MYOM2: variants seen among roughly 807,000 people sequenced by gnomAD.
MYOM2 encodes the protein myomesin 2.
A neutral mutation model predicts 187.6 loss-of-function variants in MYOM2; 254 were observed. That is an observed-to-expected ratio of 1.35 (90% CI 1.22 to 1.50). MYOM2 has a LOEUF of 1.50. MYOM2 is among the 40% of genes most tolerant of loss of function. The pLI, the probability that MYOM2 is intolerant of heterozygous loss-of-function variation, is 0.00. For synonymous variants in MYOM2, 981 were observed against 753.8 expected, an observed-to-expected ratio of 1.30 and a Z score of -4.94; for missense variants, 2,796 against 1,924.0, an observed-to-expected ratio of 1.45 and a Z score of -8.48.
At chr8:2,057,064 C>T (rs1198592600) in intron 3 of MYOM2, among the ~76,000 whole-genome samples, 1 of 152,154 alleles carries the variant, frequency 6.6e-6, no homozygotes, top group Non-Finnish European at 1.5e-5. Context: ...CAGTTGTGCA[C>T]TGTCAGTGGT....
At chr8:2,079,763 G>A (rs1484404160) in intron 13 of MYOM2, 150 bp downstream of exon 13, 1 of 804,584 alleles carries the variant, frequency 1.2e-6, no homozygotes, top group South Asian at 1.5e-5. Flanking sequence ...CAAGCCCAGT[G>A]TCCATAGAAG....
At chr8:2,077,611 C>T (rs894851336) in intron 11 of MYOM2, among the ~76,000 whole-genome samples, 2 of 152,128 alleles carry the variant, frequency 1.3e-5, no homozygotes, top group African/African-American at 2.4e-5. Context: ...TAAGCAACTA[C>T]AGCAAGAAAA....
At position 2,059,367 on chromosome 8, in the gene MYOM2, C is replaced by G. The variant is rs1818777595; in HGVS notation, c.653+122C>G. The G allele has an allele frequency of 5.5e-6, 4 of 728,238 alleles. No individual in the cohort carries two copies. In the East Asian group the frequency reaches 1.1e-4, roughly 19 times the overall value. The allele number at this position is 728,238 out of a possible 1,614,324, so 45.1% of individuals were successfully genotyped here. On this transcript the variant is annotated intron_variant, in intron 6 of 36. Transcript: ENST00000262113. ...ACCTGTCTGTTTGCACCCCGGGTGA[C>G]TTTAAATAGCATTTATGAGTTAATG...
chr8:2,059,212 G>A lies in MYOM2; in HGVS notation c.620G>A (p.Ser207Asn), dbSNP rs1818772358. The change falls in exon 6 of 37, where the codon AGC becomes AAC. Residue 207 changes from serine to asparagine, a missense_variant. Ser to Asn is a conservative substitution (Grantham distance 46). Coordinates refer to ENST00000262113, the MANE Select transcript of MYOM2 (RefSeq NM_003970.4). ...AAEPGKYRIE[S>N]NYGVHTLEIN... Reference sequence around the variant, plus strand: ...GAACCGGGAAAGTACAGGATTGAGAGCAACTATGGCGTACACACACTGGAG... The same window carrying A: ...GAACCGGGAAAGTACAGGATTGAGAACAACTATGGCGTACACACACTGGAG... 1 of 1,614,226 alleles carries A rather than the reference G, an allele frequency of 6.2e-7. No homozygotes were observed. The highest frequency in any genetic ancestry group is 8.5e-7 in the Non-Finnish European group (1 of 1,180,036).
In MYOM2 at chr8:2,103,951, C is replaced by T. The variant is rs190411933; in HGVS notation, c.2734+1170C>T. On this transcript the variant is annotated intron_variant, in intron 21 of 36. Coordinates refer to ENST00000262113, the MANE Select transcript of MYOM2 (RefSeq NM_003970.4). ...ACGGATAAATGAACGGATGTCTTGC[C>T]GTTATTTTAAAAAGATTTGGATGGC... 9.1e-4 allele frequency among the ~76,000 whole-genome samples: 138 copies of T among 152,146 alleles called. 1 individual carries two copies. The highest frequency in any genetic ancestry group is 2.4e-3 in the African/African-American group (100 of 41,470).
chr8:2,074,541 G>A (rs965279115), intron 10 of MYOM2, among the ~76,000 whole-genome samples: 6 of 151,964 alleles, frequency 3.9e-5, no homozygotes, highest in African/African-American at 1.2e-4. Context: ...TGCAACCTCC[G>A]CCTCCTGGGT....
In MYOM2 at chr8:2,069,318, A is replaced by G; in HGVS notation, c.694A>G (p.Thr232Ala). The change falls in exon 7 of 37, where the codon ACC becomes GCC. Residue 232 changes from threonine to alanine, a missense_variant. Transcript: ENST00000262113. The stretch of plus-strand genomic sequence containing the variant: ...CACTGCGACATACTCAGCAGTGGCC[A>G]CCAATGCCCACGGACAAGTGTCCAC... ...DDTATYSAVA[T>A]NAHGQVSTNA... is the part of the protein sequence containing the mutation. 6.2e-7 allele frequency: 1 copy of G among 1,613,782 alleles called. No individual in the cohort carries two copies. The highest frequency in any genetic ancestry group is 8.5e-7 in the Non-Finnish European group (1 of 1,179,932).
chr8:2,129,605 A>G (rs974710959), intron 32 of MYOM2, among the ~76,000 whole-genome samples: 1 of 151,776 alleles, frequency 6.6e-6, no homozygotes, highest in African/African-American at 2.4e-5. Flanking sequence ...GTTTCCCGCT[A>G]GACTTGATTA....
chr8:2,070,935 C>T (rs149806067), intron 8 of MYOM2, among the ~76,000 whole-genome samples: 7 of 152,194 alleles, frequency 4.6e-5, no homozygotes, highest in African/African-American at 1.7e-4. Flanking sequence ...ACCGTCCTGG[C>T]ATTGGCAGTG....
intron 21 of MYOM2, 109 bp downstream of exon 21, chr8:2,102,890 C>A: frequency 2.4e-6 from 2 of 843,940 alleles, no homozygotes; most frequent in Non-Finnish European, 1.9e-6. Context: ...GGAGAGTGAA[C>A]ACGTGTTATG....
intron 11 of MYOM2, chr8:2,076,695 C>T: frequency 6.2e-6 from 1 of 162,202 alleles, no homozygotes. Flanking sequence ...GCGAAGAATG[C>T]CAGCTCATTT....
intron 25 of MYOM2, among the ~76,000 whole-genome samples, chr8:2,113,816 C>G (rs1797147771): frequency 6.6e-6 from 1 of 152,182 alleles, no homozygotes; most frequent in Admixed American, 6.5e-5. Context: ...TGAGCTAAGC[C>G]CCCTCCAGCT....
Position 2,052,212 on chromosome 8 carries a change from A to T in MYOM2, c.162A>T (p.Ser54=), listed in dbSNP as rs1179615457. ...SQKSLSQRSS[S]QRASSQTSLG... is the part of the protein sequence containing the mutation. ...AGTCCTTGAGTCAGCGGTCGTCTTC[A>T]CAGAGAGCCTCCAGCCAGACGTCCC... is the stretch of plus-strand genomic sequence containing the variant. The change falls in exon 3 of 37, where the codon TCA becomes TCT. Residue 54 remains serine (S), a synonymous_variant. Coordinates refer to ENST00000262113, the MANE Select transcript of MYOM2 (RefSeq NM_003970.4). The T allele has an allele frequency of 6.2e-7, 1 of 1,613,298 alleles. No individual in the cohort carries two copies. Among genetic ancestry groups the T allele is most frequent in the East Asian group, 2.2e-5 (1 of 44,836 alleles).
At chr8:2,066,799 G>A (rs1819034141) in intron 6 of MYOM2, among the ~76,000 whole-genome samples, 1 of 152,212 alleles carries the variant, frequency 6.6e-6, no homozygotes, top group South Asian at 2.1e-4. Flanking sequence ...GTTTTTATGT[G>A]TTTTACACAC....
intron 23 of MYOM2, among the ~76,000 whole-genome samples, chr8:2,108,245 T>G (rs1040814485): frequency 3.3e-5 from 5 of 152,052 alleles, no homozygotes; most frequent in African/African-American, 1.2e-4. Flanking sequence ...AAATGCAGTG[T>G]ATTTTGTTTA....
At chr8:2,098,351 C>A (rs1405368775) in intron 18 of MYOM2, among the ~76,000 whole-genome samples, 1 of 152,076 alleles carries the variant, frequency 6.6e-6, no homozygotes, top group Admixed American at 6.5e-5. Flanking sequence ...CCCCAGACTG[C>A]AGCACCCCAG....
chr8:2,092,475 C>G lies in MYOM2; in HGVS notation c.1958C>G (p.Thr653Ser). The G allele has an allele frequency of 6.2e-7, 1 of 1,614,110 alleles. No homozygotes were observed. Among genetic ancestry groups the G allele is most frequent in the South Asian group, 1.1e-5 (1 of 91,076 alleles). The change falls in exon 16 of 37, where the codon ACC (threonine) becomes AGC (serine). Residue 653 changes from threonine (T) to serine (S), a missense_variant. Thr to Ser is a moderately conservative substitution (Grantham distance 58). Transcript: ENST00000262113. ...GYYVDCCVAGTNLWEPCNHKP... is the reference protein window; with the variant it reads ...GYYVDCCVAGSNLWEPCNHKP... The stretch of plus-strand genomic sequence containing the variant: ...TACGTGGACTGCTGTGTGGCCGGAA[C>G]CAACCTCTGGGAGCCCTGCAACCAC...
At position 2,123,620 on chromosome 8, in the gene MYOM2, C is replaced by T. The variant is rs752401964; in HGVS notation, c.3633C>T (p.Ser1211=). The T allele has an allele frequency of 3.7e-6, 6 of 1,614,124 alleles. No homozygotes were observed. Among genetic ancestry groups the T allele is most frequent in the Middle Eastern group, 1.6e-4 (1 of 6,062 alleles). Reference sequence around the variant, plus strand: ...AAGATGACAGAGGCCAAGATGTGTCCATCCTTGAAATAGCTGGCAAAGGTA... The same window carrying T: ...AAGATGACAGAGGCCAAGATGTGTCTATCCTTGAAATAGCTGGCAAAGGTA... ...TLKDDRGQDV[S]ILEIAGKVYD... Residue 1211 remains serine, a synonymous_variant, in exon 30 of 37, where the codon TCC becomes TCT. Transcript: ENST00000262113.
At chr8:2,135,824 G>A (rs1167252062) in intron 32 of MYOM2, among the ~76,000 whole-genome samples, 1 of 152,082 alleles carries the variant, frequency 6.6e-6, no homozygotes, top group Admixed American at 6.5e-5. Flanking sequence ...TTAATTCAGC[G>A]ACTAGATAGT....
Sources: allele counts gnomAD v4.1 joint callset (sites outside exome capture counted in the v4.1 genomes callset), GRCh38; gene constraint gnomAD v4.1.1; transcripts MANE v1.5; gene names NCBI Gene and HGNC (gene_info 2026-07-23, HGNC 2026-07-21).